The following KCNK10 variants were observed in gnomAD, a reference collection of about 807,000 sequenced individuals.
KCNK10 encodes the protein potassium channel subfamily K member 10.
KCNK10 carries 25 observed loss-of-function variants against 47.7 expected under a neutral mutation model. The ratio of observed to expected loss-of-function variants is 0.52; its 90% CI spans 0.38 to 0.73. The LOEUF is 0.73. KCNK10 is among the 30% of genes least tolerant of loss of function. KCNK10 has a pLI of 0.00. For missense variants in KCNK10, 563 were observed against 714.5 expected (o/e 0.79, Z 2.42); for synonymous variants, 303 against 285.6 (o/e 1.06, Z -0.61).
chr14:88,241,545 G>A (rs1287482829), intron 2 of KCNK10, among the ~76,000 whole-genome samples: 2 of 151,814 alleles, frequency 1.3e-5, no homozygotes, highest in Non-Finnish European at 2.9e-5. Flanking sequence ...AAGCTACAAT[G>A]ACTCCTTGAT....
chr14:88,246,565 G>A (rs1886649117), intron 2 of KCNK10, among the ~76,000 whole-genome samples: 1 of 152,234 alleles, frequency 6.6e-6, no homozygotes, highest in Non-Finnish European at 1.5e-5. Context: ...CCACACAAGT[G>A]AATCTTCCAA....
chr14:88,293,760 T>G (rs1385146751), intron 1 of KCNK10, among the ~76,000 whole-genome samples: 1 of 151,956 alleles, frequency 6.6e-6, no homozygotes, highest in Admixed American at 6.6e-5. Flanking sequence ...ACCGTAACTT[T>G]GAACTCCTGG....
In KCNK10 at chr14:88,180,332, A is replaced by T. The variant is rs759386020; in HGVS notation, c.*5203T>A. The T allele has an allele frequency of 1.9e-5, 3 of 153,922 alleles. No homozygotes were observed. The highest frequency in any genetic ancestry group is 4.3e-5 in the Non-Finnish European group (3 of 69,280). 9.5% of individuals were successfully genotyped at this position (153,922 alleles called of 1,614,324 possible). On this transcript the variant is annotated 3_prime_UTR_variant, in exon 7 of 7. Coordinates refer to ENST00000319231, the MANE Select transcript of KCNK10 (RefSeq NM_138317.3). ...AAATCCTACGGAAAGAAAAATAAGT[A>T]AAACACCTCCACACATGGATTTATC...
At chr14:88,206,049 A>G (rs1017885464) in intron 4 of KCNK10, among the ~76,000 whole-genome samples, 2 of 152,254 alleles carry the variant, frequency 1.3e-5, no homozygotes, top group Non-Finnish European at 2.9e-5. Flanking sequence ...ATATGCATAT[A>G]ATAAATATTT....
rs111490982 is a variant in KCNK10, at chr14:88,260,818, A to G, written c.402+2384T>C. On this transcript the variant is annotated intron_variant, in intron 2 of 6. Coordinates refer to ENST00000319231, the MANE Select transcript of KCNK10 (RefSeq NM_138317.3). The surrounding 1 kb of genome is among the most constrained non-coding windows in gnomAD (Gnocchi z 4.5). ...TTATCTTAAATGCACACACGTGTGT[A>G]TGTGCAAACACATTCACACAAACGC... is the stretch of plus-strand genomic sequence containing the variant. 6.6e-6 allele frequency among the ~76,000 whole-genome samples: 1 copy of G among 152,230 alleles called. No individual in the cohort carries two copies. The highest frequency in any genetic ancestry group is 2.4e-5 in the African/African-American group (1 of 41,464).
intron 1 of KCNK10, among the ~76,000 whole-genome samples, chr14:88,309,668 C>A (rs1251413186): frequency 2.0e-5 from 3 of 152,116 alleles, no homozygotes; most frequent in East Asian, 3.9e-4. Context: ...TTGCCATAAG[C>A]ATCACTGTTG....
intron 5 of KCNK10, among the ~76,000 whole-genome samples, chr14:88,188,555 C>G (rs1321811837): frequency 5.9e-5 from 9 of 152,140 alleles, no homozygotes; most frequent in Non-Finnish European, 1.0e-4. Flanking sequence ...TCTTAAGCAC[C>G]CATACATTTA....
At chr14:88,324,444 G>A (rs1595138200), upstream of KCNK10, among the ~76,000 whole-genome samples, 1 of 152,202 alleles carries the variant, frequency 6.6e-6, no homozygotes, top group East Asian at 1.9e-4. Context: ...TGAATTGCAT[G>A]CTGCAGTGTT....
At chr14:88,323,441 C>A (rs1305040413), upstream of KCNK10, among the ~76,000 whole-genome samples, 1 of 149,144 alleles carries the variant, frequency 6.7e-6, no homozygotes, top group African/African-American at 2.4e-5. Context: ...CCGCGGCGCG[C>A]CCCAGACGCC....
Position 88,311,726 on chromosome 14 carries a change from T to C in KCNK10, c.52+11021A>G, listed in dbSNP as rs116701884. On this transcript the variant is annotated intron_variant, in intron 1 of 6. Coordinates refer to ENST00000319231, the MANE Select transcript of KCNK10 (RefSeq NM_138317.3). ...GCATGAGGCTTAGTCTGGATCATAA[T>C]GAATCCTTGTGGATCTCAGAACTGA... Among the ~76,000 whole-genome samples the C allele has an allele frequency of 3.1e-3, 467 of 152,292 alleles. 8 individuals carry two copies. Among genetic ancestry groups the C allele is most frequent in the African/African-American group, 0.01 (423 of 41,562 alleles).
chr14:88,195,785 G>GA (rs1352575384), intron 4 of KCNK10, among the ~76,000 whole-genome samples: 6 of 152,206 alleles, frequency 3.9e-5, no homozygotes, highest in African/African-American at 1.4e-4. Context: ...TAACGTTTGC[G>GA]ATGTCAGGAA....
At chr14:88,312,731 T>C (rs966306017) in intron 1 of KCNK10, among the ~76,000 whole-genome samples, 1 of 152,190 alleles carries the variant, frequency 6.6e-6, no homozygotes, top group Non-Finnish European at 1.5e-5. Flanking sequence ...TTTTTTTAAA[T>C]TAATGTTTAC....
chr14:88,288,545 AAC>A (rs1383119489), intron 1 of KCNK10, among the ~76,000 whole-genome samples: 1 of 152,148 alleles, frequency 6.6e-6, no homozygotes, highest in Non-Finnish European at 1.5e-5. Flanking sequence ...GTTTCTGCAC[AAC>A]AGTGTCCTAA....
intron 2 of KCNK10, among the ~76,000 whole-genome samples, chr14:88,242,715 C>G (rs10134409): frequency 6.6e-6 from 1 of 152,314 alleles, no homozygotes; most frequent in African/African-American, 2.4e-5. Flanking sequence ...AGAGGGCAGA[C>G]AGATGGTGAG....
At chr14:88,266,238 G>C (rs745854061) in intron 1 of KCNK10, among the ~76,000 whole-genome samples, 2 of 152,232 alleles carry the variant, frequency 1.3e-5, no homozygotes, top group Non-Finnish European at 2.9e-5. Flanking sequence ...CAACGTGGAT[G>C]AGCAGCGTCA....
rs867410672 is a variant in KCNK10, at chr14:88,221,402, T to C, written c.681+5973A>G. On this transcript the variant is annotated intron_variant, in intron 4 of 6. Transcript: ENST00000319231. ...CAATTAAAAAATAGGCCAAAGACTT[T>C]AACAGACACTTCACCAAAGAAGATA... 3.6e-4 allele frequency among the ~76,000 whole-genome samples: 55 copies of C among 152,188 alleles called. 1 individual carries two copies. The highest frequency in any genetic ancestry group is 6.8e-3 in the Middle Eastern group (2 of 294).
intron 1 of KCNK10, among the ~76,000 whole-genome samples, chr14:88,320,209 T>C (rs1888517399): frequency 6.6e-6 from 1 of 152,220 alleles, no homozygotes; most frequent in African/African-American, 2.4e-5. Flanking sequence ...TATGAAACAA[T>C]GTACATAAAG....
At chr14:88,292,418 C>T (rs772613423) in intron 1 of KCNK10, among the ~76,000 whole-genome samples, 9 of 152,036 alleles carry the variant, frequency 5.9e-5, no homozygotes, top group Admixed American at 3.9e-4. Flanking sequence ...GGCGCGATCT[C>T]GGCTCAATAT....
chr14:88,182,071 C>T lies in KCNK10; in HGVS notation c.*3464G>A, dbSNP rs868375563. On this transcript the variant is annotated 3_prime_UTR_variant, in exon 7 of 7. Transcript: ENST00000319231. ...ACACACACACACACACACACACACA[C>T]ACACACACACACACTCTATACAGCC... 27 of 152,426 alleles carry T rather than the reference C, an allele frequency of 1.8e-4. No individual in the cohort carries two copies. The highest frequency in any genetic ancestry group is 6.3e-4 in the South Asian group (3 of 4,800). The allele number at this position is 152,426 out of a possible 1,614,324, so 9.4% of individuals were successfully genotyped here.
Sources: allele counts gnomAD v4.1 joint callset (sites outside exome capture counted in the v4.1 genomes callset), GRCh38; gene constraint gnomAD v4.1.1; non-coding constraint Gnocchi (gnomAD v3.1); transcripts MANE v1.5; gene names NCBI Gene and HGNC (gene_info 2026-07-23, HGNC 2026-07-21).